Variants in ADAMTS18 observed in about 807,000 individuals in gnomAD.
ADAMTS18 encodes the protein ADAM metallopeptidase with thrombospondin type 1 motif 18, also known as A disintegrin and metalloproteinase with thrombospondin motifs 18.
Under a neutral mutation model 165.9 loss-of-function variants are expected in ADAMTS18, and 157 were observed. That is an observed-to-expected ratio of 0.95 (90% CI 0.83 to 1.08). The LOEUF is 1.08. ADAMTS18 is among the 50% of genes least tolerant of loss of function. The pLI is 0.00. For missense variants in ADAMTS18, 2,040 were observed against 1,534.0 expected, an observed-to-expected ratio of 1.33 and a Z score of -5.51; for synonymous variants, 782 against 578.2, an observed-to-expected ratio of 1.35 and a Z score of -5.06.
intron 3 of ADAMTS18, among the ~76,000 whole-genome samples, chr16:77,423,004 G>T (rs548005120): frequency 6.6e-6 from 1 of 152,168 alleles, no homozygotes; most frequent in African/African-American, 2.4e-5. Flanking sequence ...GTCCCCCATA[G>T]GTGAAGCTTT....
At chr16:77,433,226 G>A (rs1282624041) in intron 2 of ADAMTS18, among the ~76,000 whole-genome samples, 1 of 152,238 alleles carries the variant, frequency 6.6e-6, no homozygotes, top group Non-Finnish European at 1.5e-5. Flanking sequence ...TATGCAGGAA[G>A]TCTGTGTCTC....
chr16:77,377,984 G>A (rs2056976259), intron 3 of ADAMTS18, among the ~76,000 whole-genome samples: 1 of 152,180 alleles, frequency 6.6e-6, no homozygotes, highest in Admixed American at 6.5e-5. Flanking sequence ...AGAAAATGCT[G>A]AGAAAGTCTT....
chr16:77,306,583 G>C (rs529998212), intron 16 of ADAMTS18, among the ~76,000 whole-genome samples: 57 of 151,786 alleles, frequency 3.8e-4, no homozygotes, highest in African/African-American at 1.2e-3. Flanking sequence ...TCAAGAAGTT[G>C]TCCTCATTTT....
intron 3 of ADAMTS18, among the ~76,000 whole-genome samples, chr16:77,393,564 G>A (rs79364450): frequency 3.3e-3 from 507 of 152,248 alleles, no homozygotes; most frequent in African/African-American, 0.012. Flanking sequence ...AAAGATGAGT[G>A]CCCTTATAAA....
chr16:77,385,670 G>A (rs766387410), intron 3 of ADAMTS18, among the ~76,000 whole-genome samples: 4 of 152,186 alleles, frequency 2.6e-5, no homozygotes, highest in Admixed American at 6.5e-5. Context: ...GTTAAGAGAT[G>A]TGATTAAGTA....
Position 77,297,391 on chromosome 16 carries a change from C to T in ADAMTS18, c.2699G>A (p.Cys900Tyr), listed in dbSNP as rs375722339. Residue 900 changes from cysteine to tyrosine, a missense_variant, in exon 18 of 23, where the codon TGC (cysteine) becomes TAC (tyrosine). Physicochemically the swap from Cys to Tyr is radical, Grantham distance 194 (BLOSUM62 -2). Coordinates refer to ENST00000282849, the MANE Select transcript of ADAMTS18 (RefSeq NM_199355.4). Reference sequence around the variant, plus strand: ...GACTTGAGTATTTTGATCTCGCAAGCAAATGGCCTTTACATTTATGTAACC... The same window carrying T: ...GACTTGAGTATTTTGATCTCGCAAGTAAATGGCCTTTACATTTATGTAACC... The part of the protein sequence containing the change: ...GGGYINVKAI[C>Y]LRDQNTQVNS... The T allele has an allele frequency of 3.1e-6, 5 of 1,613,284 alleles. No individual in the cohort carries two copies. In the African/African-American group the frequency reaches 5.3e-5, roughly 17 times the overall value.
chr16:77,296,248 A>T (rs2055469335), intron 18 of ADAMTS18, among the ~76,000 whole-genome samples: 1 of 152,196 alleles, frequency 6.6e-6, no homozygotes, highest in African/African-American at 2.4e-5. Flanking sequence ...ATTAGTCTTC[A>T]AACAATAGTG....
chr16:77,314,907 C>G (rs1567474976), intron 16 of ADAMTS18, among the ~76,000 whole-genome samples: 1 of 149,322 alleles, frequency 6.7e-6, no homozygotes, highest in Non-Finnish European at 1.5e-5. Context: ...TAATAATTAG[C>G]TGGTATTGTT....
At chr16:77,299,358 C>A (rs1317798581) in intron 17 of ADAMTS18, among the ~76,000 whole-genome samples, 1 of 152,132 alleles carries the variant, frequency 6.6e-6, no homozygotes, top group Non-Finnish European at 1.5e-5. Context: ...AAATGTATTA[C>A]CTTTTAATTA....
chr16:77,375,260 G>A (rs982875074), intron 3 of ADAMTS18, among the ~76,000 whole-genome samples: 19 of 152,070 alleles, frequency 1.2e-4, no homozygotes, highest in East Asian at 7.7e-4. Flanking sequence ...GACCTCAGGG[G>A]ATCCGCCCAC....
rs762354060 is a variant in ADAMTS18, at chr16:77,431,490, T to C, written c.300A>G (p.Arg100=). The C allele has an allele frequency of 6.2e-7, 1 of 1,614,124 alleles. No homozygotes were observed. The highest frequency in any genetic ancestry group is 8.5e-7 in the Non-Finnish European group (1 of 1,180,024). Residue 100 remains arginine, a synonymous_variant, in exon 3 of 23, where the codon CGA becomes CGG. Transcript: ENST00000282849. ...GCAGTTCCTGTCCAAATGCTGAAAA[T>C]CGGTAGTGCAGGGAGCTTCTGGCAT... ...AQNARSSLHY[R]FSAFGQELHL...
intron 3 of ADAMTS18, among the ~76,000 whole-genome samples, chr16:77,373,700 C>T (rs1241778744): frequency 1.3e-5 from 2 of 151,978 alleles, no homozygotes; most frequent in African/African-American, 4.8e-5. Context: ...CATCTGTCCC[C>T]CAAAAACCTA....
intron 22 of ADAMTS18, 38 bp downstream of exon 22, chr16:77,289,226 A>G (rs2055314699): frequency 6.2e-7 from 1 of 1,612,954 alleles, no homozygotes; most frequent in Admixed American, 1.7e-5. Flanking sequence ...AATTATCTAA[A>G]GACTAGTAAA....
At chr16:77,337,551 T>C (rs1242512338) in intron 11 of ADAMTS18, among the ~76,000 whole-genome samples, 2 of 152,198 alleles carry the variant, frequency 1.3e-5, no homozygotes, top group Non-Finnish European at 2.9e-5. Context: ...AGAGACTGGA[T>C]TTAACTCAGT....
chr16:77,309,413 C>T (rs537373880), intron 16 of ADAMTS18, among the ~76,000 whole-genome samples: 245 of 152,262 alleles, frequency 1.6e-3, no homozygotes, highest in Non-Finnish European at 1.6e-3. Flanking sequence ...ATCCCTTTGA[C>T]ACCAAGGAAA....
intron 16 of ADAMTS18, among the ~76,000 whole-genome samples, chr16:77,308,878 C>A (rs2055729411): frequency 1.3e-5 from 2 of 152,212 alleles, no homozygotes; most frequent in African/African-American, 4.8e-5. Context: ...AACACACACA[C>A]ACTTAATTTA....
At chr16:77,368,299 T>A (rs562576901) in intron 3 of ADAMTS18, among the ~76,000 whole-genome samples, 3 of 152,280 alleles carry the variant, frequency 2.0e-5, no homozygotes, top group East Asian at 3.9e-4. Context: ...TGTTTGTGCC[T>A]GAAGGGCTGA....
In ADAMTS18 at chr16:77,325,907, C is replaced by T. The variant is rs758594316; in HGVS notation, c.1991G>A (p.Arg664His). 1.2e-5 allele frequency: 19 copies of T among 1,613,888 alleles called. No homozygotes were observed. The highest frequency in any genetic ancestry group is 4.4e-5 in the South Asian group (4 of 91,058). The change falls in exon 13 of 23, where the codon CGT (arginine) becomes CAT (histidine). Residue 664 changes from arginine (R) to histidine (H), a missense_variant. Coordinates refer to ENST00000282849, the MANE Select transcript of ADAMTS18 (RefSeq NM_199355.4). ...QCAEYNSKPFRGWFYQWKPYT... is the reference protein window; with the variant it reads ...QCAEYNSKPFHGWFYQWKPYT... ...GGGTTTCCACTGGTAGAACCATCCA[C>T]GGAAAGGTTTGCTGTTATATTCTGC...
At chr16:77,292,950 G>C (rs554940309) in intron 20 of ADAMTS18, 126 bp downstream of exon 20, 4 of 1,161,418 alleles carry the variant, frequency 3.4e-6, no homozygotes, top group Non-Finnish European at 4.9e-6. Flanking sequence ...CTCCCCAGTA[G>C]ATCAGACTAC....
Sources: gnomAD v4.1 joint callset for allele counts (sites outside exome capture counted in the v4.1 genomes callset) on GRCh38, gnomAD v4.1.1 for gene constraint, MANE v1.5 for transcripts, NCBI Gene and HGNC (gene_info 2026-07-23, HGNC 2026-07-21) for gene names.